The following FRY variants were observed in gnomAD, a reference collection of about 807,000 sequenced individuals.
The protein encoded by FRY is FRY microtubule binding protein.
FRY carries 128 observed loss-of-function variants against 348.4 expected under a neutral mutation model. The observed-to-expected ratio is 0.37, with a 90% CI of 0.32 to 0.43. The LOEUF is 0.43. Among genes scored for constraint, FRY ranks in the 20% least tolerant of loss-of-function variants. FRY has a pLI of 1.00. For missense variants in FRY, 2,736 were observed against 3,695.2 expected, an observed-to-expected ratio of 0.74 and a Z score of 6.73; for synonymous variants, 1,370 against 1,374.7, an observed-to-expected ratio of 1.00 and a Z score of 0.08.
At chr13:32,261,570 G>T (rs772169942) in intron 51 of FRY, 46 bp from the exon 52 acceptor site, 5 of 1,462,308 alleles carry the variant, frequency 3.4e-6, no homozygotes, top group Non-Finnish European at 4.8e-6. Context: ...ACATGTGAGT[G>T]CAAGAGGATT....
chr13:32,269,628 G>C (rs1225445037), intron 55 of FRY, among the ~76,000 whole-genome samples: 1 of 152,046 alleles, frequency 6.6e-6, no homozygotes, highest in African/African-American at 2.4e-5. Flanking sequence ...GGAGGCAGAG[G>C]TTGCAGTGAG....
At chr13:32,285,147 T>G (rs965407325) in intron 58 of FRY, among the ~76,000 whole-genome samples, 1 of 152,172 alleles carries the variant, frequency 6.6e-6, no homozygotes, top group Non-Finnish European at 1.5e-5. Context: ...TCCCACATGT[T>G]CAAAAGAACC....
intron 2 of FRY, among the ~76,000 whole-genome samples, chr13:32,094,625 T>A (rs1876566366): frequency 6.6e-6 from 1 of 152,256 alleles, no homozygotes. Context: ...TTTATCTTTC[T>A]GTGCTTGGCT....
chr13:32,065,726 A>G (rs567384891), intron 1 of FRY, among the ~76,000 whole-genome samples: 3 of 152,184 alleles, frequency 2.0e-5, no homozygotes, highest in East Asian at 1.9e-4. Context: ...TCAGCCTCCC[A>G]GTAGCTAAGA....
intron 56 of FRY, among the ~76,000 whole-genome samples, chr13:32,275,331 T>G (rs1206400719): frequency 6.6e-6 from 1 of 150,582 alleles, no homozygotes; most frequent in Non-Finnish European, 1.5e-5. Flanking sequence ...GAGCTTGCAG[T>G]GAGCCGAGAT....
At chr13:32,034,183 T>C (rs1872387752) in intron 1 of FRY, among the ~76,000 whole-genome samples, 1 of 152,224 alleles carries the variant, frequency 6.6e-6, no homozygotes, top group Non-Finnish European at 1.5e-5. Context: ...TAAAAAGCAA[T>C]AAAACAAACT....
Position 32,149,781 on chromosome 13 carries a change from T to G in FRY, c.1426T>G (p.Phe476Val), listed in dbSNP as rs746190495. Residue 476 changes from phenylalanine (F) to valine (V), a missense_variant, in exon 14 of 61, where the codon TTC becomes GTC. By Grantham distance (50) the Phe-to-Val change is conservative. This residue lies in a region of FRY where 191 missense variants were observed against 370.2 expected (regional missense o/e 0.52). Coordinates refer to ENST00000542859, the MANE Select transcript of FRY (RefSeq NM_023037.3). ...AGATTTTGCAATGAAAGAAATCATT[T>G]TCGATTTTCTTTGTGTGGGAAAACC... The part of the protein sequence containing the change: ...RLDFAMKEII[F>V]DFLCVGKPAK... 9.3e-6 allele frequency: 15 copies of G among 1,610,040 alleles called. No homozygotes were observed. Among genetic ancestry groups the G allele is most frequent in the Non-Finnish European group, 1.3e-5 (15 of 1,176,274 alleles).
At position 32,223,531 on chromosome 13, in the gene FRY, T is replaced by A. The variant is rs530700204; in HGVS notation, c.4766-704T>A. On this transcript the variant is annotated intron_variant, in intron 36 of 60. Coordinates refer to ENST00000542859, the MANE Select transcript of FRY (RefSeq NM_023037.3). The stretch of plus-strand genomic sequence containing the variant: ...GCACTCACACCTGTAATCCCAAAAC[T>A]TTGGGAGGCCAAGGTGGGAGGATCA... Among the ~76,000 whole-genome samples, 4 of 152,174 alleles carry A rather than the reference T, an allele frequency of 2.6e-5. No homozygotes were observed. In the South Asian group the frequency reaches 8.3e-4, roughly 32 times the overall value.
intron 24 of FRY, among the ~76,000 whole-genome samples, chr13:32,183,489 A>G (rs1882831540): frequency 6.6e-6 from 1 of 152,240 alleles, no homozygotes; most frequent in Admixed American, 6.5e-5. Context: ...TAATAAGACT[A>G]GAAAAGGGCC....
chr13:32,213,368 A>G (rs1884793541), intron 35 of FRY, among the ~76,000 whole-genome samples: 1 of 152,188 alleles, frequency 6.6e-6, no homozygotes, highest in East Asian at 1.9e-4. Flanking sequence ...TCACTGCATC[A>G]CTGGGCAGCT....
At chr13:32,223,213 C>G (rs1885405142) in intron 36 of FRY, among the ~76,000 whole-genome samples, 1 of 152,102 alleles carries the variant, frequency 6.6e-6, no homozygotes, top group Admixed American at 6.5e-5. Flanking sequence ...CCGCCTTGGC[C>G]TTCCAAAGTG....
intron 48 of FRY, 81 bp downstream of exon 48, chr13:32,247,583 A>G: frequency 9.1e-7 from 1 of 1,095,330 alleles, no homozygotes; most frequent in Non-Finnish European, 1.4e-6. Context: ...GCCTGGAAAA[A>G]AGAAGACTTA....
chr13:32,238,434 TTTTTGTTTTG>T (rs144806726), intron 44 of FRY, among the ~76,000 whole-genome samples: 9 of 150,690 alleles, frequency 6.0e-5, no homozygotes, highest in South Asian at 4.2e-4. Context: ...CATTTATGTC[TTTTTGTTTTG>T]TTTTGTTTTG....
chr13:32,145,103 G>T (rs1880319057), intron 11 of FRY, among the ~76,000 whole-genome samples: 1 of 152,184 alleles, frequency 6.6e-6, no homozygotes, highest in African/African-American at 2.4e-5. Context: ...GGCCTAGCTA[G>T]GGTTTACAAA....
At chr13:32,186,572 C>G in intron 27 of FRY, 152 bp downstream of exon 27, 1 of 657,050 alleles carries the variant, frequency 1.5e-6, no homozygotes, top group Non-Finnish European at 2.7e-6. Context: ...CATGGACACA[C>G]ACGTACATAG....
intron 41 of FRY, 32 bp downstream of exon 41, chr13:32,231,332 T>C (rs1885901710): frequency 6.2e-7 from 1 of 1,607,200 alleles, no homozygotes; most frequent in Non-Finnish European, 8.5e-7. Context: ...GATCCCTCTT[T>C]CAGCATTGTT....
At position 32,239,752 on chromosome 13, in the gene FRY, A is replaced by G; in HGVS notation, c.6558A>G (p.Ala2186=). The change falls in exon 46 of 61, where the codon GCA becomes GCG. Residue 2186 remains alanine, a synonymous_variant. Transcript: ENST00000542859. This position sits in a 1 kb window ranked among gnomAD's most constrained non-coding sequence, Gnocchi z 4.3. The part of the protein sequence containing the change: ...EEKNPKLSNL[A]HVMTLYKTHS... ...AGAACCCCAAACTTTCAAATCTTGCACATGTCATGACTCTTTATAAAACGC... is the reference window on the plus strand; with the variant it reads ...AGAACCCCAAACTTTCAAATCTTGCGCATGTCATGACTCTTTATAAAACGC... 2 of 1,613,890 alleles carry G rather than the reference A, an allele frequency of 1.2e-6. No individual in the cohort carries two copies. Among genetic ancestry groups the G allele is most frequent in the South Asian group, 2.2e-5 (2 of 91,078 alleles).
intron 1 of FRY, among the ~76,000 whole-genome samples, chr13:32,035,650 G>C (rs1872471233): frequency 6.6e-6 from 1 of 151,902 alleles, no homozygotes; most frequent in African/African-American, 2.4e-5. Flanking sequence ...ATGAATGAAG[G>C]TACATTCAGA....
At chr13:32,035,009 T>G (rs1022254298) in intron 1 of FRY, among the ~76,000 whole-genome samples, 3 of 152,322 alleles carry the variant, frequency 2.0e-5, no homozygotes, top group Admixed American at 1.3e-4. Flanking sequence ...ATCTGTAAAA[T>G]GTACGCAAAA....
Sources: allele counts gnomAD v4.1 joint callset (sites outside exome capture counted in the v4.1 genomes callset), GRCh38; gene constraint gnomAD v4.1.1; regional missense constraint gnomAD v4.1.1; non-coding constraint Gnocchi (gnomAD v3.1); transcripts MANE v1.5; gene names NCBI Gene and HGNC (gene_info 2026-07-23, HGNC 2026-07-21).